Variants in GRID2 observed in about 807,000 individuals in gnomAD.
The protein encoded by GRID2 is glutamate receptor ionotropic, delta-2.
A neutral mutation model predicts 114.8 loss-of-function variants in GRID2; 33 were observed. The ratio of observed to expected loss-of-function variants is 0.29; its 90% CI spans 0.22 to 0.38. The LOEUF is 0.38. Ranked by LOEUF, GRID2 falls within the 10% of genes least tolerant of loss-of-function variation. The probability of loss-of-function intolerance (pLI) is 1.00; values close to 1 mark genes in which losing one functional copy is unlikely to be tolerated. For synonymous variants in GRID2, 505 were observed against 449.9 expected, an observed-to-expected ratio of 1.12 and a Z score of -1.55; for missense variants, 1,184 against 1,257.7, an observed-to-expected ratio of 0.94 and a Z score of 0.89.
intron 8 of GRID2, chr4:93,306,299 C>A (rs939030605): frequency 5.9e-5 from 9 of 152,192 alleles, no homozygotes; most frequent in Non-Finnish European, 1.2e-4. Flanking sequence ...AAAACTTCTT[C>A]ATTCATTAAA....
At chr4:93,793,505 G>A (rs981123620) in intron 1 of GRID2, among the ~76,000 whole-genome samples, 2 of 152,050 alleles carry the variant, frequency 1.3e-5, no homozygotes, top group African/African-American at 2.4e-5. Context: ...GGTCTTAAAC[G>A]ACAGATCATA....
chr4:92,519,773 T>A (rs1336366729), intron 1 of GRID2, among the ~76,000 whole-genome samples: 1 of 151,776 alleles, frequency 6.6e-6, no homozygotes, highest in Non-Finnish European at 1.5e-5. Context: ...GGCCTGAGAA[T>A]AAGGAGAGCT....
intron 4 of GRID2, among the ~76,000 whole-genome samples, chr4:93,171,873 C>G (rs1738858307): frequency 6.6e-6 from 1 of 152,108 alleles, no homozygotes; most frequent in South Asian, 2.1e-4. Context: ...ATTTTATAGC[C>G]ATAGCTTCAT....
At chr4:93,386,192 A>G (rs1045381783) in intron 8 of GRID2, among the ~76,000 whole-genome samples, 3 of 152,152 alleles carry the variant, frequency 2.0e-5, no homozygotes, top group Admixed American at 2.0e-4. Context: ...AAAAAATGAC[A>G]GCAGTTTCTA....
At chr4:93,507,704 T>C (rs1728761612) in intron 12 of GRID2, among the ~76,000 whole-genome samples, 1 of 152,234 alleles carries the variant, frequency 6.6e-6, no homozygotes, top group Non-Finnish European at 1.5e-5. Flanking sequence ...AAGTAACTTT[T>C]TCAAGAGCAA....
intron 13 of GRID2, among the ~76,000 whole-genome samples, chr4:93,615,129 A>G (rs1741473667): frequency 6.6e-6 from 1 of 152,226 alleles, no homozygotes. Context: ...TGACTATAAA[A>G]TGAGAGTTCA....
intron 2 of GRID2, among the ~76,000 whole-genome samples, chr4:92,709,005 G>A (rs1046260724): frequency 1.3e-5 from 2 of 152,156 alleles, no homozygotes; most frequent in African/African-American, 4.8e-5. Flanking sequence ...TCTTGGGCCA[G>A]GAAATAGAAC....
At chr4:92,493,831 A>G (rs190972916) in intron 1 of GRID2, among the ~76,000 whole-genome samples, 169 of 152,298 alleles carry the variant, frequency 1.1e-3, no homozygotes, top group Non-Finnish European at 1.5e-3. Context: ...GACCACTAGA[A>G]ATAACCATAT....
rs528889213 is a variant in GRID2, at chr4:92,542,755, C to T, written c.89-47376C>T. Among the ~76,000 whole-genome samples the T allele has an allele frequency of 1.5e-3, 230 of 151,366 alleles. 2 individuals carry two copies. The highest frequency in any genetic ancestry group is 9.6e-4 in the Non-Finnish European group (65 of 67,820). On this transcript the variant is annotated intron_variant, in intron 1 of 15. Transcript: ENST00000282020. The stretch of plus-strand genomic sequence containing the variant: ...AACTTTTCCATGCAACTAAACATAA[C>T]CTATTCCCCAAAAACTATTGAAATA...
intron 1 of GRID2, among the ~76,000 whole-genome samples, chr4:92,471,859 A>G (rs1473290061): frequency 6.6e-6 from 1 of 151,620 alleles, no homozygotes; most frequent in African/African-American, 2.4e-5. Flanking sequence ...GAATCATACA[A>G]TCTACATTGC....
At chr4:93,617,988 A>G (rs1741857847) in intron 13 of GRID2, among the ~76,000 whole-genome samples, 1 of 138,308 alleles carries the variant, frequency 7.2e-6, no homozygotes, top group Non-Finnish European at 1.5e-5. Flanking sequence ...TACCCCCCCT[A>G]ACCTTCTGTA....
At chr4:93,810,074 C>G (rs1461332029) in exon 2 of GRID2, 1 of 152,136 alleles carries the variant, frequency 6.6e-6, no homozygotes, top group Non-Finnish European at 1.5e-5. Context: ...AGCTGGGAAC[C>G]AAATTAAGAT....
chr4:93,444,127 A>G (rs1431025487), intron 10 of GRID2, among the ~76,000 whole-genome samples: 2 of 152,136 alleles, frequency 1.3e-5, no homozygotes, highest in East Asian at 1.9e-4. Context: ...TAGGGAGGCA[A>G]TGTCACAAAC....
At chr4:92,410,741 T>G (rs921603029) in intron 1 of GRID2, among the ~76,000 whole-genome samples, 4 of 152,112 alleles carry the variant, frequency 2.6e-5, no homozygotes, top group African/African-American at 9.7e-5. Flanking sequence ...TGGGGGCAGA[T>G]ATTTTTCAGA....
At chr4:93,264,155 C>G (rs1385525971) in intron 8 of GRID2, among the ~76,000 whole-genome samples, 2 of 152,138 alleles carry the variant, frequency 1.3e-5, no homozygotes, top group African/African-American at 4.8e-5. Context: ...CCTAGCAGTA[C>G]TCATTGACAC....
intron 1 of GRID2, among the ~76,000 whole-genome samples, chr4:92,341,009 A>T (rs547456063): frequency 2.6e-5 from 4 of 152,238 alleles, no homozygotes; most frequent in African/African-American, 9.6e-5. Context: ...AAATATTATA[A>T]ATAAGTTAAG....
chr4:92,614,953 T>A (rs1343748655), intron 2 of GRID2, among the ~76,000 whole-genome samples: 3 of 151,534 alleles, frequency 2.0e-5, no homozygotes, highest in African/African-American at 7.3e-5. Context: ...GTTTTTTTTT[T>A]TTCTTTTAGT....
chr4:93,519,350 G>A (rs1730115059), intron 13 of GRID2, among the ~76,000 whole-genome samples: 1 of 152,136 alleles, frequency 6.6e-6, no homozygotes, highest in South Asian at 2.1e-4. Context: ...ATTACACCAT[G>A]GGAAGTTCAT....
chr4:93,370,495 A>G (rs946948708), intron 8 of GRID2, among the ~76,000 whole-genome samples: 21 of 147,450 alleles, frequency 1.4e-4, no homozygotes, highest in African/African-American at 4.6e-4. Context: ...ACACACGCAC[A>G]CACACACACA....
Sources: allele counts gnomAD v4.1 joint callset (sites outside exome capture counted in the v4.1 genomes callset), GRCh38; gene constraint gnomAD v4.1.1; transcripts MANE v1.5; gene names NCBI Gene and HGNC (gene_info 2026-07-23, HGNC 2026-07-21).